Variants in STPG1 observed in about 807,000 individuals in gnomAD.
STPG1 encodes O(6)-methylguanine-induced apoptosis 2.
STPG1 carries 33 observed loss-of-function variants against 40.1 expected under a neutral mutation model. The observed-to-expected ratio is 0.82, with a 90% CI of 0.62 to 1.10. The LOEUF (loss-of-function observed/expected upper bound fraction) is 1.10, where lower values mean the gene tolerates loss of function less well. Ranked by LOEUF, STPG1 falls within the 50% of genes least tolerant of loss-of-function variation. The pLI is 0.00. For missense variants in STPG1, 396 were observed against 415.1 expected, an observed-to-expected ratio of 0.95 and a Z score of 0.40; for synonymous variants, 150 against 155.0, an observed-to-expected ratio of 0.97 and a Z score of 0.24.
chr1:24,378,933 AC>A (rs1642156549), intron 5 of STPG1, among the ~76,000 whole-genome samples: 1 of 152,192 alleles, frequency 6.6e-6, no homozygotes. Flanking sequence ...CCCTTCATGT[AC>A]TAACAAAGAC....
intron 4 of STPG1, among the ~76,000 whole-genome samples, chr1:24,383,497 T>C (rs1357414495): frequency 6.6e-6 from 1 of 152,236 alleles, no homozygotes; most frequent in East Asian, 1.9e-4. Flanking sequence ...GCTTTCTTTT[T>C]AGTCCTATCA....
chr1:24,378,297 T>C (rs555439172), intron 5 of STPG1, among the ~76,000 whole-genome samples: 25 of 152,222 alleles, frequency 1.6e-4, no homozygotes, highest in Non-Finnish European at 3.5e-4. Flanking sequence ...ATTACTCAAA[T>C]TAACTTCATC....
At chr1:24,382,404 T>C (rs1170898357) in intron 4 of STPG1, among the ~76,000 whole-genome samples, 1 of 152,186 alleles carries the variant, frequency 6.6e-6, no homozygotes, top group African/African-American at 2.4e-5. Context: ...ATTTCACTCA[T>C]TGCAACGTTA....
At chr1:24,368,181 C>T (rs1423643834) in intron 7 of STPG1, among the ~76,000 whole-genome samples, 1 of 152,212 alleles carries the variant, frequency 6.6e-6, no homozygotes, top group African/African-American at 2.4e-5. Flanking sequence ...GCAGAAGGGA[C>T]TCCTCTGGTG....
intron 7 of STPG1, among the ~76,000 whole-genome samples, chr1:24,366,145 GC>G (rs1357224912): frequency 6.6e-6 from 1 of 152,194 alleles, no homozygotes; most frequent in African/African-American, 2.4e-5. Context: ...AGAATGGGAA[GC>G]CCATCAACTC....
At chr1:24,376,700 A>G (rs1642042192) in intron 5 of STPG1, among the ~76,000 whole-genome samples, 1 of 152,166 alleles carries the variant, frequency 6.6e-6, no homozygotes, top group Admixed American at 6.5e-5. Flanking sequence ...CACTGACGGC[A>G]GCATCCTTCA....
At chr1:24,366,911 C>T (rs1270852912) in intron 7 of STPG1, among the ~76,000 whole-genome samples, 1 of 152,190 alleles carries the variant, frequency 6.6e-6, no homozygotes, top group African/African-American at 2.4e-5. Flanking sequence ...CTTCTCAGAG[C>T]CTTTAAGATG....
chr1:24,373,044 A>C (rs1641827266), intron 6 of STPG1, among the ~76,000 whole-genome samples: 1 of 152,142 alleles, frequency 6.6e-6, no homozygotes, highest in Non-Finnish European at 1.5e-5. Context: ...ATGATGGAGG[A>C]CGTGGGCTCG....
intron 1 of STPG1, among the ~76,000 whole-genome samples, chr1:24,405,258 CCTT>C (rs1214709790): frequency 3.3e-5 from 5 of 152,186 alleles, no homozygotes; most frequent in African/African-American, 1.2e-4. Context: ...GCACCCAGCG[CCTT>C]CTTCTTTCTT....
intron 3 of STPG1, among the ~76,000 whole-genome samples, chr1:24,388,349 G>A (rs1019661503): frequency 2.6e-5 from 4 of 152,190 alleles, no homozygotes; most frequent in African/African-American, 7.2e-5. Context: ...CATAGATCAG[G>A]CATGTCTCTT....
chr1:24,402,426 ATCT>A (rs144796893), intron 1 of STPG1, among the ~76,000 whole-genome samples: 28,731 of 152,004 alleles, frequency 0.19, 3,158 homozygotes, highest in East Asian at 0.3. Context: ...GTGCTTATTT[ATCT>A]TCTTTAGTGA....
intron 2 of STPG1, among the ~76,000 whole-genome samples, chr1:24,395,526 G>T (rs1052593910): frequency 6.7e-6 from 1 of 150,028 alleles, no homozygotes; most frequent in Non-Finnish European, 1.5e-5. Context: ...TCTGCCTCCC[G>T]GGTTCACGCC....
At chr1:24,393,210 C>T (rs1642854490) in intron 2 of STPG1, among the ~76,000 whole-genome samples, 1 of 152,138 alleles carries the variant, frequency 6.6e-6, no homozygotes, top group Non-Finnish European at 1.5e-5. Flanking sequence ...AGTAAGTGCT[C>T]AATAAACACG....
chr1:24,374,257 G>GTTTTTTTTTTT (rs1553122570), intron 5 of STPG1, among the ~76,000 whole-genome samples: 1 of 62,122 alleles, frequency 1.6e-5, no homozygotes, highest in African/African-American at 8.7e-5. Flanking sequence ...TTTTTTTTTT[G>GTTTTTTTTTTT]TTTTTTTTTT....
At chr1:24,382,241 T>C (rs1642318606) in intron 4 of STPG1, among the ~76,000 whole-genome samples, 1 of 152,196 alleles carries the variant, frequency 6.6e-6, no homozygotes, top group African/African-American at 2.4e-5. Flanking sequence ...TTCAGTCTCT[T>C]TGTTGGCACC....
intron 2 of STPG1, chr1:24,401,075 T>C (rs1419470363): frequency 4.3e-5 from 18 of 418,220 alleles, no homozygotes; most frequent in Non-Finnish European, 7.3e-5. Flanking sequence ...CTAACAAGTC[T>C]GGGTTTTGTT....
At chr1:24,384,404 C>T (rs955980541) in intron 3 of STPG1, among the ~76,000 whole-genome samples, 2 of 152,176 alleles carry the variant, frequency 1.3e-5, no homozygotes, top group African/African-American at 2.4e-5. Context: ...TTCATGTTCA[C>T]CCCACCCCAC....
intron 2 of STPG1, among the ~76,000 whole-genome samples, chr1:24,395,130 T>C (rs901339929): frequency 6.6e-6 from 1 of 151,806 alleles, no homozygotes; most frequent in Non-Finnish European, 1.5e-5. Context: ...TGACAGCAGA[T>C]TGATACTGAA....
chr1:24,360,046 G>A (rs969000586), intron 8 of STPG1, among the ~76,000 whole-genome samples: 15 of 152,178 alleles, frequency 9.9e-5, no homozygotes, highest in Non-Finnish European at 1.3e-4. Context: ...GGCACTGCCC[G>A]CCACGAACTC....
Sources: gnomAD v4.1 joint callset for allele counts (sites outside exome capture counted in the v4.1 genomes callset) on GRCh38, gnomAD v4.1.1 for gene constraint, MANE v1.5 for transcripts, NCBI Gene and HGNC (gene_info 2026-07-23, HGNC 2026-07-21) for gene names.